Variants in GPHN observed in about 807,000 individuals in gnomAD.
GPHN encodes gephyrin.
A neutral mutation model predicts 95.5 loss-of-function variants in GPHN; 17 were observed. The ratio of observed to expected loss-of-function variants is 0.18; its 90% CI spans 0.12 to 0.27. The LOEUF (loss-of-function observed/expected upper bound fraction) is 0.27, where lower values mean the gene tolerates loss of function less well. Among genes scored for constraint, GPHN ranks in the 10% least tolerant of loss-of-function variants. GPHN has a pLI of 1.00. For synonymous variants in GPHN, 320 were observed against 322.5 expected (o/e 0.99, Z 0.08); for missense variants, 660 against 978.1 (o/e 0.67, Z 4.34).
chr14:66,993,342 G>A (rs1429801611), intron 9 of GPHN, among the ~76,000 whole-genome samples: 2 of 151,792 alleles, frequency 1.3e-5, no homozygotes, highest in African/African-American at 2.4e-5. Flanking sequence ...CTCTTTTATT[G>A]GAGGCTCATT....
the GPHN span, among the ~76,000 whole-genome samples, chr14:67,203,815 G>A: frequency 5.3e-5 from 8 of 152,168 alleles, no homozygotes; most frequent in South Asian, 2.1e-4. Context: ...CAGTTCAAGC[G>A]ATTCTCCTGT....
At chr14:67,544,215 A>G in the GPHN span, among the ~76,000 whole-genome samples, 21 of 152,216 alleles carry the variant, frequency 1.4e-4, no homozygotes, top group Non-Finnish European at 2.2e-4. Flanking sequence ...AGATGACAAT[A>G]GCTTCTCAGA....
chr14:67,316,862 T>C, the GPHN span: 1 of 1,612,716 alleles, frequency 6.2e-7, no homozygotes, highest in Non-Finnish European at 8.5e-7. Context: ...AGGGAAGCCA[T>C]GAAACAAACC....
the GPHN span, chr14:67,335,559 G>GA: frequency 7.9e-5 from 12 of 152,624 alleles, no homozygotes; most frequent in Non-Finnish European, 1.5e-4. Context: ...TGCTTTCTAT[G>GA]AAAATCTAAT....
Position 66,679,766 on chromosome 14 carries a change from A to G in GPHN, c.65-1341A>G, listed in dbSNP as rs527357532. The stretch of plus-strand genomic sequence containing the variant: ...ATTGCAGATAGTGTGTTTTTCAGAT[A>G]TAAAATCACTATTTAATTTTTAAAA... On this transcript the variant is annotated intron_variant, in intron 1 of 22. Coordinates refer to ENST00000478722, the MANE Select transcript of GPHN (RefSeq NM_020806.5). Among the ~76,000 whole-genome samples the G allele has an allele frequency of 7.2e-5, 11 of 152,318 alleles. No individual in the cohort carries two copies. The South Asian group carries it at 2.3e-3, about 32-fold the overall frequency.
In GPHN at chr14:66,585,743, G is replaced by T. The variant is rs2061393577; in HGVS notation, c.64+77152G>T. 6.6e-5 allele frequency among the ~76,000 whole-genome samples: 10 copies of T among 152,154 alleles called. No individual in the cohort carries two copies. The South Asian group carries it at 1.9e-3, about 28-fold the overall frequency. The stretch of plus-strand genomic sequence containing the variant: ...CTGAGTTCTAGTTTGATTGCACTGT[G>T]GTCTGAGAGACAGTTTGTTATAATT... On this transcript the variant is annotated intron_variant, in intron 1 of 22. Coordinates refer to ENST00000478722, the MANE Select transcript of GPHN (RefSeq NM_020806.5).
the GPHN span, chr14:67,364,836 T>C: frequency 6.2e-7 from 1 of 1,613,954 alleles, no homozygotes; most frequent in African/African-American, 1.3e-5. Context: ...TGATGGTGAA[T>C]GTCAGATCCA....
intron 2 of GPHN, among the ~76,000 whole-genome samples, chr14:66,691,384 C>T (rs555924152): frequency 7.2e-5 from 11 of 151,806 alleles, no homozygotes; most frequent in African/African-American, 1.7e-4. Flanking sequence ...AAGGTTTCAC[C>T]GTGATGGCCA....
the GPHN span, among the ~76,000 whole-genome samples, chr14:67,505,435 C>T: frequency 6.6e-6 from 1 of 152,198 alleles, no homozygotes; most frequent in African/African-American, 2.4e-5. Context: ...GTGGGACACA[C>T]GTTGGCCATC....
intron 1 of GPHN, among the ~76,000 whole-genome samples, chr14:66,630,806 T>C (rs2063766836): frequency 6.6e-6 from 1 of 152,138 alleles, no homozygotes; most frequent in Non-Finnish European, 1.5e-5. Flanking sequence ...TTTGTAGATT[T>C]TCTTGTCATG....
intron 17 of GPHN, 154 bp from the exon 18 acceptor site, chr14:67,143,207 TA>T (rs1409969705): frequency 2.2e-5 from 15 of 668,900 alleles, no homozygotes; most frequent in Admixed American, 1.2e-4. Flanking sequence ...ATGCTCCTGT[TA>T]GGCAGAGACC....
the GPHN span, among the ~76,000 whole-genome samples, chr14:67,462,234 T>C: frequency 1.3e-5 from 2 of 152,218 alleles, no homozygotes; most frequent in Non-Finnish European, 2.9e-5. Context: ...GTCACATGTT[T>C]ACAAAGAAGT....
At chr14:66,891,887 A>G (rs186518359) in intron 5 of GPHN, among the ~76,000 whole-genome samples, 30 of 152,290 alleles carry the variant, frequency 2.0e-4, no homozygotes, top group African/African-American at 2.9e-4. Flanking sequence ...CTCAGCATCA[A>G]TAGTCATTAG....
At chr14:66,892,629 T>C (rs1191575212) in intron 5 of GPHN, among the ~76,000 whole-genome samples, 1 of 152,194 alleles carries the variant, frequency 6.6e-6, no homozygotes, top group Non-Finnish European at 1.5e-5. Flanking sequence ...TAAATGAATC[T>C]TGAAAACATT....
chr14:66,549,072 G>A (rs1043543022), intron 1 of GPHN, among the ~76,000 whole-genome samples: 3 of 151,936 alleles, frequency 2.0e-5, no homozygotes, highest in Non-Finnish European at 4.4e-5. Context: ...TATGTATTAT[G>A]TGTTAATTTA....
chr14:66,736,229 T>A (rs2072253132), intron 2 of GPHN, among the ~76,000 whole-genome samples: 1 of 152,104 alleles, frequency 6.6e-6, no homozygotes, highest in South Asian at 2.1e-4. Flanking sequence ...AATTTGAGTA[T>A]ATTTGGTAGT....
the GPHN span, among the ~76,000 whole-genome samples, chr14:67,702,987 A>G: frequency 6.8e-6 from 1 of 146,760 alleles, no homozygotes; most frequent in South Asian, 2.1e-4. Flanking sequence ...CTAACTTAAA[A>G]AAGTTTTTTT....
At chr14:67,078,912 C>CTT (rs1373217125) in intron 11 of GPHN, among the ~76,000 whole-genome samples, 1 of 151,932 alleles carries the variant, frequency 6.6e-6, no homozygotes, top group Non-Finnish European at 1.5e-5. Context: ...GTCATGCATG[C>CTT]TTTTCTCTTT....
At chr14:67,235,820 C>T in the GPHN span, among the ~76,000 whole-genome samples, 1 of 152,170 alleles carries the variant, frequency 6.6e-6, no homozygotes, top group Non-Finnish European at 1.5e-5. Context: ...AAATGATTGA[C>T]ATTCTAAATA....
Sources: allele counts gnomAD v4.1 joint callset (sites outside exome capture counted in the v4.1 genomes callset), GRCh38; gene constraint gnomAD v4.1.1; transcripts MANE v1.5; gene names NCBI Gene and HGNC (gene_info 2026-07-23, HGNC 2026-07-21).